FAT3: variants seen among roughly 807,000 people sequenced by gnomAD.
The protein encoded by FAT3 is FAT atypical cadherin 3, also known as protocadherin Fat 3.
FAT3 carries 95 observed loss-of-function variants against 310.2 expected under a neutral mutation model. The observed-to-expected ratio is 0.31, with a 90% CI of 0.26 to 0.36. The LOEUF (loss-of-function observed/expected upper bound fraction) is 0.36. Ranked by LOEUF, FAT3 falls within the 10% of genes least tolerant of loss-of-function variation. The pLI, the probability that FAT3 is intolerant of heterozygous loss-of-function variation, is 1.00. For missense variants in FAT3, 5,408 were observed against 5,715.6 expected (o/e 0.95, Z 1.74); for synonymous variants, 2,314 against 2,192.9 (o/e 1.06, Z -1.54).
intron 12 of FAT3, 64 bp downstream of exon 12, chr11:92,806,579 G>A (rs1393105616): frequency 7.1e-7 from 1 of 1,398,758 alleles, no homozygotes; most frequent in African/African-American, 1.4e-5. Flanking sequence ...TTAAACTTAT[G>A]TGGTCTCATC....
chr11:92,644,658 C>T (rs961342253), intron 3 of FAT3, among the ~76,000 whole-genome samples: 4 of 152,172 alleles, frequency 2.6e-5, no homozygotes, highest in African/African-American at 7.2e-5. Flanking sequence ...GATGTTACCA[C>T]GTGACTTGAC....
At chr11:92,823,836 G>A (rs1948032299) in intron 13 of FAT3, among the ~76,000 whole-genome samples, 1 of 152,170 alleles carries the variant, frequency 6.6e-6, no homozygotes, top group South Asian at 2.1e-4. Flanking sequence ...TAATTAGGGA[G>A]TCTATTTAAA....
chr11:92,717,541 T>G (rs1382753789), intron 4 of FAT3, among the ~76,000 whole-genome samples: 1 of 152,220 alleles, frequency 6.6e-6, no homozygotes, highest in Non-Finnish European at 1.5e-5. Context: ...ACAAGAGACC[T>G]CAGTTTGATA....
intron 2 of FAT3, among the ~76,000 whole-genome samples, chr11:92,406,061 T>G (rs1294944254): frequency 1.3e-5 from 2 of 152,240 alleles, no homozygotes. Flanking sequence ...GAGAAAAATC[T>G]TCATTCCTTG....
At chr11:92,570,124 C>A (rs1171844626) in intron 3 of FAT3, among the ~76,000 whole-genome samples, 1 of 152,132 alleles carries the variant, frequency 6.6e-6, no homozygotes, top group Non-Finnish European at 1.5e-5. Flanking sequence ...GAGTAAAGAA[C>A]ACGGTGAATA....
intron 2 of FAT3, among the ~76,000 whole-genome samples, chr11:92,438,116 G>T (rs1049025085): frequency 3.3e-5 from 5 of 152,070 alleles, no homozygotes; most frequent in African/African-American, 1.2e-4. Context: ...TAAAAAACAA[G>T]AATAATGTAA....
chr11:92,508,765 T>C (rs922466310), intron 2 of FAT3, among the ~76,000 whole-genome samples: 1 of 152,134 alleles, frequency 6.6e-6, no homozygotes, highest in African/African-American at 2.4e-5. Context: ...GCCCAAATGC[T>C]TAGAGACTCC....
chr11:92,719,675 G>A (rs1416503855), intron 4 of FAT3, among the ~76,000 whole-genome samples: 1 of 150,862 alleles, frequency 6.6e-6, no homozygotes, highest in Non-Finnish European at 1.5e-5. Context: ...ATCCAAGTTT[G>A]GTTGAATCCA....
chr11:92,317,864 A>G (rs919595464), intron 1 of FAT3, among the ~76,000 whole-genome samples: 2 of 152,122 alleles, frequency 1.3e-5, no homozygotes, highest in African/African-American at 2.4e-5. Flanking sequence ...TAGTGCCTTG[A>G]TGCTAATAGT....
intron 20 of FAT3, 70 bp downstream of exon 20, chr11:92,857,418 C>T (rs1565654828): frequency 1.9e-6 from 3 of 1,598,302 alleles, no homozygotes; most frequent in East Asian, 2.2e-5. Flanking sequence ...GAGTAAATTA[C>T]ACCATCCAAG....
At chr11:92,422,897 C>T (rs1950560141) in intron 2 of FAT3, among the ~76,000 whole-genome samples, 1 of 151,988 alleles carries the variant, frequency 6.6e-6, no homozygotes, top group African/African-American at 2.4e-5. Flanking sequence ...GGACGTTGAC[C>T]AGACTAGAGG....
intron 4 of FAT3, among the ~76,000 whole-genome samples, chr11:92,734,603 A>T (rs1476182233): frequency 6.6e-6 from 1 of 152,212 alleles, no homozygotes; most frequent in Admixed American, 6.5e-5. Flanking sequence ...AATTTGTTTT[A>T]AAAAAGCAAT....
intron 7 of FAT3, among the ~76,000 whole-genome samples, chr11:92,785,420 A>G (rs1946862854): frequency 6.6e-6 from 1 of 152,178 alleles, no homozygotes; most frequent in East Asian, 1.9e-4. Context: ...TTTGTGTCAT[A>G]AAGAAAAAGG....
chr11:92,368,123 C>A (rs915271438), intron 2 of FAT3, among the ~76,000 whole-genome samples: 1 of 151,762 alleles, frequency 6.6e-6, no homozygotes, highest in African/African-American at 2.4e-5. Flanking sequence ...TGTTTTTTTT[C>A]TTACATTTTT....
intron 2 of FAT3, among the ~76,000 whole-genome samples, chr11:92,481,216 T>G (rs1256167725): frequency 6.6e-6 from 1 of 152,212 alleles, no homozygotes; most frequent in Non-Finnish European, 1.5e-5. Flanking sequence ...TTCCACCTCT[T>G]GCCTATTCAA....
chr11:92,354,476 C>T lies in FAT3; in HGVS notation c.2364C>T (p.Pro788=). 1 of 1,613,778 alleles carries T rather than the reference C, an allele frequency of 6.2e-7. No individual in the cohort carries two copies. The highest frequency in any genetic ancestry group is 8.5e-7 in the Non-Finnish European group (1 of 1,179,858). The stretch of plus-strand genomic sequence containing the variant: ...CTGGGCAGCTTAAAGTCCTTATGCC[C>T]ATGGATCGAGAACACACAGACCTCT... ...METGQLKVLM[P]MDREHTDLYL... The change falls in exon 2 of 28, where the codon CCC becomes CCT. Residue 788 remains proline, a synonymous_variant. Coordinates refer to ENST00000525166, the MANE Select transcript of FAT3 (RefSeq NM_001367949.2).
chr11:92,321,596 A>C (rs1324782516), intron 1 of FAT3, among the ~76,000 whole-genome samples: 4 of 152,136 alleles, frequency 2.6e-5, no homozygotes, highest in Non-Finnish European at 5.9e-5. Flanking sequence ...AAAAAGAAAA[A>C]AAAATTGGAA....
At chr11:92,589,839 G>A (rs1232520504) in intron 3 of FAT3, among the ~76,000 whole-genome samples, 1 of 151,896 alleles carries the variant, frequency 6.6e-6, no homozygotes, top group African/African-American at 2.4e-5. Flanking sequence ...TGTCATAAAG[G>A]GATGCTTAAA....
Position 92,507,510 on chromosome 11 carries a change from T to C in FAT3, c.3293-17124T>C, listed in dbSNP as rs1302855029. Among the ~76,000 whole-genome samples the C allele has an allele frequency of 2.6e-5, 4 of 151,888 alleles. No individual in the cohort carries two copies. In the East Asian group the frequency reaches 5.8e-4, roughly 22 times the overall value. ...GTATATACACACATATATGTACACA[T>C]ATATATACACATGTATATATACACA... On this transcript the variant is annotated intron_variant, in intron 2 of 27. Coordinates refer to ENST00000525166, the MANE Select transcript of FAT3 (RefSeq NM_001367949.2).
Sources: gnomAD v4.1 joint callset for allele counts (sites outside exome capture counted in the v4.1 genomes callset) on GRCh38, gnomAD v4.1.1 for gene constraint, MANE v1.5 for transcripts, NCBI Gene and HGNC (gene_info 2026-07-23, HGNC 2026-07-21) for gene names.